Variants in PTAFR observed in about 807,000 individuals in gnomAD.
The protein encoded by PTAFR is platelet activating factor receptor.
In PTAFR, 8 loss-of-function variants were observed where a neutral mutation model predicts 14.7. The ratio of observed to expected loss-of-function variants is 0.54; its 90% CI spans 0.32 to 0.98. PTAFR has a LOEUF of 0.98. Among genes scored for constraint, PTAFR ranks in the 50% least tolerant of loss-of-function variants. The pLI is 0.04. For synonymous variants in PTAFR, 156 were observed against 176.5 expected, an observed-to-expected ratio of 0.88 and a Z score of 0.92; for missense variants, 337 against 451.2, an observed-to-expected ratio of 0.75 and a Z score of 2.29.
At chr1:28,182,933 A>G (rs578118982) in intron 1 of PTAFR, among the ~76,000 whole-genome samples, 1 of 152,090 alleles carries the variant, frequency 6.6e-6, no homozygotes, top group African/African-American at 2.4e-5. Context: ...CACCCACCTC[A>G]GCCTCCCAAA....
chr1:28,183,015 T>C (rs1352624691), intron 1 of PTAFR, among the ~76,000 whole-genome samples: 1 of 152,192 alleles, frequency 6.6e-6, no homozygotes, highest in African/African-American at 2.4e-5. Context: ...AAGGGTTTTT[T>C]GCTGTTTGTT....
intron 1 of PTAFR, among the ~76,000 whole-genome samples, chr1:28,163,234 T>A (rs1646345329): frequency 6.6e-6 from 1 of 152,168 alleles, no homozygotes; most frequent in African/African-American, 2.4e-5. Flanking sequence ...GTTGCCTTCT[T>A]CTCTGGGTCC....
intron 1 of PTAFR, among the ~76,000 whole-genome samples, chr1:28,153,850 C>T (rs1363715520): frequency 6.6e-6 from 1 of 150,614 alleles, no homozygotes; most frequent in Non-Finnish European, 1.5e-5. Flanking sequence ...ATTGTGCCAC[C>T]GCACTCCAGA....
intron 1 of PTAFR, among the ~76,000 whole-genome samples, chr1:28,167,367 T>C (rs1425450248): frequency 6.6e-6 from 1 of 152,136 alleles, no homozygotes. Context: ...TGGCTCAATA[T>C]CACTGATCAT....
At position 28,150,723 on chromosome 1, in the gene PTAFR, TTGA is replaced by T; in HGVS notation, c.296_298del (p.Ile99del). 6.2e-7 allele frequency: 1 copy of T among 1,614,054 alleles called. No individual in the cohort carries two copies. Among genetic ancestry groups the T allele is most frequent in the Admixed American group, 1.7e-5 (1 of 59,988 alleles). On this transcript the variant is annotated inframe_deletion, in exon 2 of 2. Transcript: ENST00000373857. This position sits in a 1 kb window ranked among gnomAD's most constrained non-coding sequence, Gnocchi z 6.3. The stretch of plus-strand genomic sequence containing the variant: ...CAGGAAGGCCACAGAGCAGTAGGTG[TTGA>T]TGAAGAAAAGGCAGCCAGCCACGTT...
intron 1 of PTAFR, among the ~76,000 whole-genome samples, chr1:28,152,550 C>T (rs961536172): frequency 6.6e-6 from 1 of 152,108 alleles, no homozygotes. Context: ...CGAGACCAGC[C>T]TGGCCAACAT....
In PTAFR at chr1:28,150,299, G is replaced by A. The variant is rs1260533053; in HGVS notation, c.723C>T (p.Phe241=). ...LWMVCTVLAV[F]IICFVPHHVV... is the part of the protein sequence containing the mutation. ...CGTGGTGGGGCACGAAGCAGATGAT[G>A]AACACCGCCAAGACCGTGCACACCA... The change falls in exon 2 of 2, where the codon TTC becomes TTT. Residue 241 remains phenylalanine, a synonymous_variant. Transcript: ENST00000373857. The surrounding 1 kb of genome is among the most constrained non-coding windows in gnomAD (Gnocchi z 6.3). 1.1e-5 allele frequency: 17 copies of A among 1,612,410 alleles called. No individual in the cohort carries two copies. The highest frequency in any genetic ancestry group is 1.4e-5 in the Non-Finnish European group (17 of 1,178,792).
chr1:28,173,954 G>A (rs1408630940), intron 1 of PTAFR, among the ~76,000 whole-genome samples: 1 of 152,204 alleles, frequency 6.6e-6, no homozygotes, highest in African/African-American at 2.4e-5. Flanking sequence ...GCTCCTGGGA[G>A]GGGAGCTGTC....
chr1:28,152,881 TGGTAAGTAGCCTCTGGGAA>T (rs1646210697), intron 1 of PTAFR, among the ~76,000 whole-genome samples: 3 of 152,220 alleles, frequency 2.0e-5, no homozygotes, highest in Non-Finnish European at 4.4e-5. Flanking sequence ...TAGTTGACAG[TGGTAAGTAGCCTCTGGGAA>T]GGTGAGGTAG....
At chr1:28,174,432 C>T (rs17162978) in intron 1 of PTAFR, among the ~76,000 whole-genome samples, 2,176 of 152,196 alleles carry the variant, frequency 0.014, 59 homozygotes, top group African/African-American at 0.049. Flanking sequence ...AATAAGATCC[C>T]AGCCTCTCCT....
rs181725846 is a variant in PTAFR, at chr1:28,182,802, T to C, written c.-39+10920A>G. Among the ~76,000 whole-genome samples, 633 of 152,246 alleles carry C rather than the reference T, an allele frequency of 4.2e-3. 3 individuals carry two copies. Among genetic ancestry groups the C allele is most frequent in the African/African-American group, 0.014 (598 of 41,558 alleles). On this transcript the variant is annotated intron_variant, in intron 1 of 1. Coordinates refer to the PTAFR transcript ENST00000305392. The stretch of plus-strand genomic sequence containing the variant: ...TTCAAGTGAGTCTCCTGCCTCAATG[T>C]CCCAAGTAGCTGGGATTACAGGCAC...
chr1:28,163,926 A>C (rs1342583706), intron 1 of PTAFR, among the ~76,000 whole-genome samples: 3 of 152,246 alleles, frequency 2.0e-5, no homozygotes, highest in Admixed American at 6.5e-5. Flanking sequence ...CAGTTCCCTG[A>C]TGGATCGAGG....
At chr1:28,174,760 C>G (rs1646494440) in intron 1 of PTAFR, among the ~76,000 whole-genome samples, 1 of 152,234 alleles carries the variant, frequency 6.6e-6, no homozygotes, top group African/African-American at 2.4e-5. Context: ...GTGAACAAAA[C>G]AGTTTCCTCA....
rs1396712917 is a variant in PTAFR at position 28,150,881 on chromosome 1, C to T, written c.141G>A (p.Lys47=). 6.2e-7 allele frequency: 1 copy of T among 1,614,050 alleles called. No individual in the cohort carries two copies. The highest frequency in any genetic ancestry group is 2.2e-5 in the East Asian group (1 of 44,898). The change falls in exon 2 of 2, where the codon AAG becomes AAA. Residue 47 remains lysine (K), a synonymous_variant. Transcript: ENST00000373857. The surrounding 1 kb of genome is among the most constrained non-coding windows in gnomAD (Gnocchi z 6.3). ...LWVFARLYPC[K]KFNEIKIFMV... ...TGAAGATCTTTATCTCATTGAATTT[C>T]TTGCAAGGGTACAGGCGGGCAAAGA... is the stretch of plus-strand genomic sequence containing the variant.
chr1:28,189,133 A>C (rs2149009308), intron 1 of PTAFR, among the ~76,000 whole-genome samples: 1 of 152,416 alleles, frequency 6.6e-6, no homozygotes, highest in African/African-American at 2.4e-5. Flanking sequence ...TGTTGTGCCA[A>C]TTAAAAGAAA....
At chr1:28,173,294 A>G (rs1646472175) in intron 1 of PTAFR, among the ~76,000 whole-genome samples, 3 of 66,878 alleles carry the variant, frequency 4.5e-5, no homozygotes, top group South Asian at 6.5e-4. Context: ...TCTCTTAAAA[A>G]AAAAGGGGGG....
At chr1:28,173,396 G>A (rs1237189607) in intron 1 of PTAFR, among the ~76,000 whole-genome samples, 5 of 151,942 alleles carry the variant, frequency 3.3e-5, no homozygotes, top group African/African-American at 7.2e-5. Context: ...GCTTGAGCAC[G>A]GGAGTTCAAG....
intron 1 of PTAFR, 118 bp from the exon 2 acceptor site, chr1:28,151,177 T>A (rs1053909521): frequency 1.6e-5 from 10 of 631,210 alleles, no homozygotes; most frequent in Non-Finnish European, 1.6e-5. Flanking sequence ...GAAGTTCATG[T>A]TGAATCTTTT....
intron 1 of PTAFR, among the ~76,000 whole-genome samples, chr1:28,186,797 C>T (rs745899658): frequency 1.3e-5 from 2 of 152,072 alleles, no homozygotes; most frequent in African/African-American, 2.4e-5. Context: ...TGGTGGCACA[C>T]GCCTGTAATC....
Sources: allele counts gnomAD v4.1 joint callset (sites outside exome capture counted in the v4.1 genomes callset), GRCh38; gene constraint gnomAD v4.1.1; non-coding constraint Gnocchi (gnomAD v3.1); transcripts MANE v1.5; gene names NCBI Gene and HGNC (gene_info 2026-07-23, HGNC 2026-07-21).